The following GSE1 variants were observed in gnomAD, a reference collection of about 807,000 sequenced individuals.
The protein encoded by GSE1 is Gse1 coiled-coil protein.
A neutral mutation model predicts 112.6 loss-of-function variants in GSE1; 32 were observed. The ratio of observed to expected loss-of-function variants is 0.28; its 90% CI spans 0.21 to 0.38. The LOEUF is 0.38. Among genes scored for constraint, GSE1 ranks in the 10% least tolerant of loss-of-function variants. The probability of loss-of-function intolerance (pLI) is 1.00; values close to 1 mark genes in which losing one functional copy is unlikely to be tolerated. For missense variants in GSE1, 2,348 were observed against 1,699.2 expected (o/e 1.38, Z -6.71); for synonymous variants, 1,115 against 735.6 (o/e 1.52, Z -8.35).
At chr16:85,520,026 G>C (rs548644449) in intron 2 of GSE1, among the ~76,000 whole-genome samples, 2 of 152,316 alleles carry the variant, frequency 1.3e-5, no homozygotes, top group South Asian at 4.1e-4. Flanking sequence ...CCAGGACCCT[G>C]TCTTAGTCAG....
chr16:85,445,032 G>C (rs576730580), intron 2 of GSE1, among the ~76,000 whole-genome samples: 4 of 152,238 alleles, frequency 2.6e-5, no homozygotes, highest in African/African-American at 9.6e-5. Flanking sequence ...CCCGCCGCAC[G>C]CAGGCAGGGG....
At chr16:85,251,486 A>C (rs965514696) in intron 1 of GSE1, among the ~76,000 whole-genome samples, 21 of 152,342 alleles carry the variant, frequency 1.4e-4, no homozygotes, top group South Asian at 8.3e-4. Flanking sequence ...AACAGGCCGG[A>C]GGTCATCCAG....
chr16:85,389,762 G>C (rs1442079446), intron 2 of GSE1, among the ~76,000 whole-genome samples: 1 of 152,096 alleles, frequency 6.6e-6, no homozygotes, highest in Non-Finnish European at 1.5e-5. Context: ...CCCTTTACCT[G>C]AACTAACCCA....
Position 85,558,749 on chromosome 16 carries a change from G to C in GSE1, c.37+2386G>C, listed in dbSNP as rs557020831. ...CCCCACTGGGGTTTTACACTTTATT[G>C]TCTTAGTGTAATATTCAGGGTGAGG... On this transcript the variant is annotated intron_variant, in intron 1 of 2. Transcript: ENST00000635906. Among the ~76,000 whole-genome samples, 21 of 152,328 alleles carry C rather than the reference G, an allele frequency of 1.4e-4. No homozygotes were observed. In the South Asian group the frequency reaches 2.3e-3, roughly 17 times the overall value.
intron 2 of GSE1, among the ~76,000 whole-genome samples, chr16:85,370,303 C>A (rs1055866033): frequency 3.9e-5 from 6 of 152,318 alleles, no homozygotes. Flanking sequence ...GGCCAACTGA[C>A]CCCACCTTCC....
chr16:85,652,724 G>A (rs35096969), intron 3 of GSE1, among the ~76,000 whole-genome samples: 5,467 of 152,214 alleles, frequency 0.036, 117 homozygotes, highest in Non-Finnish European at 0.056. Context: ...AGGGGCTGGC[G>A]GGTCAGGGAC....
intron 1 of GSE1, among the ~76,000 whole-genome samples, chr16:85,229,722 A>G (rs1401628795): frequency 6.6e-6 from 1 of 152,210 alleles, no homozygotes; most frequent in Non-Finnish European, 1.5e-5. Flanking sequence ...GTGAGAGTGG[A>G]AAGCGCAGTT....
At chr16:85,218,203 G>C (rs747717276) in intron 1 of GSE1, among the ~76,000 whole-genome samples, 1 of 151,874 alleles carries the variant, frequency 6.6e-6, no homozygotes, top group Non-Finnish European at 1.5e-5. Flanking sequence ...CGCCTGGCTC[G>C]TTTCAGCCTC....
chr16:85,282,951 A>C (rs923945929), intron 1 of GSE1: 4 of 152,226 alleles, frequency 2.6e-5, no homozygotes, highest in Non-Finnish European at 5.9e-5. Flanking sequence ...TTTCTCTCGG[A>C]GTTGGAGTTG....
chr16:85,648,663 G>C lies in GSE1; in HGVS notation c.338G>C (p.Gly113Ala). ...ATGGGCCCTATCATCGTCCCCCCTG[G>C]GGGCCACAGCGTGCCCAGCACCCCC... ...VPMGPIIVPPGGHSVPSTPPV... is the reference protein window; with the variant it reads ...VPMGPIIVPPAGHSVPSTPPV... Residue 113 changes from glycine to alanine, a missense_variant, in exon 3 of 16, where the codon GGG becomes GCG. Gly to Ala is a moderately conservative substitution (Grantham distance 60). Coordinates refer to ENST00000253458, the MANE Select transcript of GSE1 (RefSeq NM_014615.5). The C allele has an allele frequency of 6.2e-7, 1 of 1,603,932 alleles. No individual in the cohort carries two copies. Among genetic ancestry groups the C allele is most frequent in the Non-Finnish European group, 8.5e-7 (1 of 1,173,386 alleles).
chr16:85,225,210 T>A (rs1283681272), intron 1 of GSE1, among the ~76,000 whole-genome samples: 1 of 151,818 alleles, frequency 6.6e-6, no homozygotes, highest in East Asian at 1.9e-4. Flanking sequence ...CACACACACA[T>A]ACACAAAGCT....
chr16:85,247,860 G>A (rs931110878), intron 1 of GSE1, among the ~76,000 whole-genome samples: 5 of 152,252 alleles, frequency 3.3e-5, no homozygotes, highest in Non-Finnish European at 7.3e-5. Context: ...CAGTGGCACA[G>A]GCCCTGCATC....
At chr16:85,255,516 A>T (rs1225953074) in intron 1 of GSE1, among the ~76,000 whole-genome samples, 1 of 149,192 alleles carries the variant, frequency 6.7e-6, no homozygotes, top group Non-Finnish European at 1.5e-5. Context: ...GGTTCAAGTG[A>T]TTCTCCTGCC....
At chr16:85,282,538 G>T (rs1456099921) in intron 1 of GSE1, among the ~76,000 whole-genome samples, 1 of 152,222 alleles carries the variant, frequency 6.6e-6, no homozygotes, top group African/African-American at 2.4e-5. Flanking sequence ...GAAAGTCAGA[G>T]TCGCACAGGA....
intron 2 of GSE1, among the ~76,000 whole-genome samples, chr16:85,402,312 G>C (rs944055671): frequency 1.3e-5 from 2 of 152,224 alleles, no homozygotes; most frequent in African/African-American, 4.8e-5. Flanking sequence ...CGGGGGAGAG[G>C]AGTCGCCAGT....
At chr16:85,439,014 G>A (rs1047522019) in intron 2 of GSE1, among the ~76,000 whole-genome samples, 3 of 152,214 alleles carry the variant, frequency 2.0e-5, no homozygotes, top group South Asian at 2.1e-4. Flanking sequence ...CTCCCCACAC[G>A]GTGAGGCAAA....
At chr16:85,171,588 G>C (rs1362379044) in exon 1 of GSE1, 2 of 985,480 alleles carry the variant, frequency 2.0e-6, no homozygotes, top group Non-Finnish European at 2.4e-6. Context: ...TCTTTTGTCA[G>C]CAGGAGAAGA....
chr16:85,429,019 C>T (rs571999992), intron 2 of GSE1, among the ~76,000 whole-genome samples: 26 of 152,318 alleles, frequency 1.7e-4, no homozygotes, highest in Non-Finnish European at 3.1e-4. Context: ...GCGTGCACAA[C>T]GCACACATAC....
chr16:85,317,438 C>T (rs2046009210), intron 1 of GSE1, among the ~76,000 whole-genome samples: 1 of 152,140 alleles, frequency 6.6e-6, no homozygotes, highest in South Asian at 2.1e-4. Flanking sequence ...CAGCCAGCAG[C>T]CCCAGGAAGT....
Sources: gnomAD v4.1 joint callset for allele counts (sites outside exome capture counted in the v4.1 genomes callset) on GRCh38, gnomAD v4.1.1 for gene constraint, MANE v1.5 for transcripts, NCBI Gene and HGNC (gene_info 2026-07-23, HGNC 2026-07-21) for gene names.